DHX15: variants seen among roughly 807,000 people sequenced by gnomAD.
DHX15 encodes the protein DEAH-box helicase 15, also known as ATP-dependent RNA helicase DHX15.
DHX15 carries 11 observed loss-of-function variants against 94.4 expected under a neutral mutation model. That is an observed-to-expected ratio of 0.12 (90% CI 0.07 to 0.19). DHX15 has a LOEUF of 0.19. Among genes scored for constraint, DHX15 ranks in the 10% least tolerant of loss-of-function variants. The pLI is 1.00. For missense variants in DHX15, 304 were observed against 988.5 expected (o/e 0.31, Z 9.29); for synonymous variants, 338 against 329.9 (o/e 1.02, Z -0.27).
At chr4:24,540,011 T>C in intron 10 of DHX15, 97 bp downstream of exon 10, 1 of 847,456 alleles carries the variant, frequency 1.2e-6, no homozygotes, top group East Asian at 2.7e-5. Flanking sequence ...ATCTATAAAA[T>C]CCACTATCAT....
intron 3 of DHX15, among the ~76,000 whole-genome samples, chr4:24,562,284 C>T (rs1721892617): frequency 6.6e-6 from 1 of 152,024 alleles, no homozygotes; most frequent in Non-Finnish European, 1.5e-5. Flanking sequence ...AAATGAATGG[C>T]ACTGTTTAAT....
chr4:24,552,116 A>T (rs543988029), intron 5 of DHX15, among the ~76,000 whole-genome samples: 20 of 152,360 alleles, frequency 1.3e-4, no homozygotes, highest in African/African-American at 4.8e-4. Context: ...CAACACTATC[A>T]GCTGAGAATG....
At chr4:24,563,875 C>G (rs1348437499) in intron 3 of DHX15, among the ~76,000 whole-genome samples, 1 of 151,936 alleles carries the variant, frequency 6.6e-6, no homozygotes, top group Non-Finnish European at 1.5e-5. Context: ...ACCATCCTGG[C>G]TAACACAGTG....
intron 1 of DHX15, among the ~76,000 whole-genome samples, chr4:24,577,475 G>A (rs1027885721): frequency 1.3e-5 from 2 of 152,020 alleles, no homozygotes; most frequent in Non-Finnish European, 2.9e-5. Flanking sequence ...AACAGCAACA[G>A]CAAAACACTG....
At position 24,540,117 on chromosome 4, in the gene DHX15, T is replaced by C; in HGVS notation, c.1777A>G (p.Met593Val). The C allele has an allele frequency of 6.3e-7, 1 of 1,577,720 alleles. No homozygotes were observed. The highest frequency in any genetic ancestry group is 8.6e-7 in the Non-Finnish European group (1 of 1,161,746). The change falls in exon 10 of 14, where the codon ATG becomes GTG. Residue 593 changes from methionine (M) to valine (V), a missense_variant. By Grantham distance (21) the Met-to-Val change is conservative. Around this residue, in one of 9 missense-constraint regions of DHX15, gnomAD observed 14 missense variants for 24.5 expected, o/e 0.57. Transcript: ENST00000336812. ...CSNEVLSITA[M>V]LSVPQCFVRP... ...CCTTTCCCTCTATTACCTGACAACATAGCAGTAATAGATAGGACCTCATTA... is the reference window on the plus strand; with the variant it reads ...CCTTTCCCTCTATTACCTGACAACACAGCAGTAATAGATAGGACCTCATTA...
At chr4:24,584,154 C>T (rs1722549092) in intron 1 of DHX15, 169 bp downstream of exon 1, 5 of 689,736 alleles carry the variant, frequency 7.2e-6, no homozygotes, top group Admixed American at 3.0e-5. Flanking sequence ...GCGCCCTTGC[C>T]GGGCCGAACG....
At chr4:24,547,903 GTA>G (rs869194543) in intron 6 of DHX15, among the ~76,000 whole-genome samples, 65 of 70,722 alleles carry the variant, frequency 9.2e-4, no homozygotes, top group African/African-American at 1.1e-3. Flanking sequence ...GTATGTATGT[GTA>G]TATATATATA....
intron 11 of DHX15, among the ~76,000 whole-genome samples, chr4:24,535,133 C>T (rs1721167632): frequency 6.6e-6 from 1 of 152,080 alleles, no homozygotes; most frequent in African/African-American, 2.4e-5. Context: ...GATCATAGTA[C>T]CTCTCACTAA....
At chr4:24,556,229 T>TG (rs1721736564) in intron 4 of DHX15, 22 bp downstream of exon 4, 1 of 1,609,384 alleles carries the variant, frequency 6.2e-7, no homozygotes, top group South Asian at 1.1e-5. Flanking sequence ...TATAGTTAAA[T>TG]GGAGAGAAGA....
intron 3 of DHX15, among the ~76,000 whole-genome samples, chr4:24,564,325 T>G (rs1214574815): frequency 6.6e-6 from 1 of 152,190 alleles, no homozygotes; most frequent in Non-Finnish European, 1.5e-5. Context: ...AATATTTCTT[T>G]AGGTCTGGGG....
At chr4:24,582,040 T>C (rs927202871) in intron 1 of DHX15, among the ~76,000 whole-genome samples, 1 of 152,122 alleles carries the variant, frequency 6.6e-6, no homozygotes, top group East Asian at 1.9e-4. Flanking sequence ...GACAAGCTTA[T>C]GCTCTCCAAT....
rs1721733562 is a variant in DHX15 at position 24,556,129 on chromosome 4, A to G, written c.861+122T>C. The G allele has an allele frequency of 8.6e-6, 6 of 697,992 alleles. No individual in the cohort carries two copies. The South Asian group carries it at 1.5e-4, about 17-fold the overall frequency. The allele number at this position is 697,992 out of a possible 1,614,324, so 43.2% of individuals were successfully genotyped here. A position where few individuals can be genotyped will look rare whatever the true frequency, so the allele number is the denominator to read the frequency against. ...CAAAGCAGAAACAAAACAAGAAGGT[A>G]CTTACTAGTTCCTTCTTTTACAGGT... On this transcript the variant is annotated intron_variant, in intron 4 of 13. Coordinates refer to ENST00000336812, the MANE Select transcript of DHX15 (RefSeq NM_001358.3).
intron 6 of DHX15, among the ~76,000 whole-genome samples, chr4:24,544,631 T>C (rs1721385532): frequency 6.6e-6 from 1 of 152,184 alleles, no homozygotes; most frequent in South Asian, 2.1e-4. Flanking sequence ...CAGTTTCTTG[T>C]AGTTAAAGAA....
chr4:24,540,409 T>A, intron 9 of DHX15, 110 bp from the exon 10 acceptor site: 2 of 809,336 alleles, frequency 2.5e-6, no homozygotes, highest in African/African-American at 1.8e-5. Context: ...TGGACCAAAC[T>A]CAAACTCAAA....
intron 3 of DHX15, among the ~76,000 whole-genome samples, chr4:24,558,425 T>C (rs1450967162): frequency 6.6e-6 from 1 of 152,160 alleles, no homozygotes; most frequent in Non-Finnish European, 1.5e-5. Flanking sequence ...CAAGCTTTAA[T>C]CAATCACAAT....
In DHX15 at chr4:24,572,520, A is replaced by T. The variant is rs187282873; in HGVS notation, c.508-1673T>A. 5.1e-4 allele frequency among the ~76,000 whole-genome samples: 77 copies of T among 152,352 alleles called. 1 individual carries two copies. In the East Asian group the frequency reaches 0.013, roughly 26 times the overall value. ...AAACAAGACCAACAAGTCAATTAGC[A>T]GCTCTCAGGACCCCTGTGCACTCAC... On this transcript the variant is annotated intron_variant, in intron 2 of 13. Transcript: ENST00000336812.
At chr4:24,538,479 A>AAT (rs1721237775) in intron 10 of DHX15, 1 of 152,194 alleles carries the variant, frequency 6.6e-6, no homozygotes, top group Non-Finnish European at 1.5e-5. Context: ...AAGTGGGAAT[A>AAT]AATAAGTAGT....
intron 1 of DHX15, among the ~76,000 whole-genome samples, chr4:24,581,308 G>A (rs1043149774): frequency 1.3e-5 from 2 of 152,176 alleles, no homozygotes; most frequent in Non-Finnish European, 2.9e-5. Flanking sequence ...GATTACAGGC[G>A]TGAGCCATTG....
intron 3 of DHX15, among the ~76,000 whole-genome samples, chr4:24,560,030 G>C (rs1317992396): frequency 1.3e-5 from 2 of 152,044 alleles, no homozygotes; most frequent in African/African-American, 4.8e-5. Flanking sequence ...CCCATGTACT[G>C]AACAGTATCA....
Sources: gnomAD v4.1 joint callset for allele counts (sites outside exome capture counted in the v4.1 genomes callset) on GRCh38, gnomAD v4.1.1 for gene constraint, gnomAD v4.1.1 regional missense constraint, MANE v1.5 for transcripts, NCBI Gene and HGNC (gene_info 2026-07-23, HGNC 2026-07-21) for gene names.